Variants in KCTD8 observed in about 807,000 individuals in gnomAD.
KCTD8 encodes potassium channel tetramerization domain containing 8, also known as BTB/POZ domain-containing protein KCTD8.
In KCTD8, 27 loss-of-function variants were observed where a neutral mutation model predicts 31.5. The observed-to-expected ratio is 0.86, with a 90% CI of 0.63 to 1.18. The LOEUF is 1.18. Among genes scored for constraint, KCTD8 ranks in the 50% most tolerant of loss-of-function variants. The pLI is 0.00. For synonymous variants in KCTD8, 290 were observed against 280.0 expected (o/e 1.04, Z -0.36); for missense variants, 658 against 647.7 (o/e 1.02, Z -0.17).
At chr4:44,203,099 T>C (rs962484958) in intron 1 of KCTD8, among the ~76,000 whole-genome samples, 4 of 152,160 alleles carry the variant, frequency 2.6e-5, no homozygotes, top group Non-Finnish European at 4.4e-5. Flanking sequence ...TATTTACAAA[T>C]GGAGACTAAT....
At chr4:44,226,985 A>G (rs1714982013) in intron 1 of KCTD8, among the ~76,000 whole-genome samples, 1 of 151,524 alleles carries the variant, frequency 6.6e-6, no homozygotes. Flanking sequence ...TCCATTCTTT[A>G]GGTTGCCTGT....
At position 44,396,014 on chromosome 4, in the gene KCTD8, A is replaced by G. The variant is rs114034979; in HGVS notation, c.961+51549T>C. ...TTCTATTATTATTACACTGCGGTAT[A>G]TAATGAAATAATTATACAAGTCACC... On this transcript the variant is annotated intron_variant, in intron 1 of 1. Transcript: ENST00000360029. Among the ~76,000 whole-genome samples the G allele has an allele frequency of 9.3e-3, 1,411 of 152,236 alleles. 30 individuals are homozygous for G. Among genetic ancestry groups the G allele is most frequent in the African/African-American group, 0.032 (1,328 of 41,536 alleles).
intron 1 of KCTD8, among the ~76,000 whole-genome samples, chr4:44,339,341 G>A (rs1718835331): frequency 6.6e-6 from 1 of 152,072 alleles, no homozygotes; most frequent in African/African-American, 2.4e-5. Flanking sequence ...CATACTGAGA[G>A]CAGGATTTAA....
intron 1 of KCTD8, among the ~76,000 whole-genome samples, chr4:44,222,024 G>GA (rs1714823044): frequency 6.6e-6 from 1 of 152,160 alleles, no homozygotes; most frequent in African/African-American, 2.4e-5. Flanking sequence ...CCATGTCTGT[G>GA]ATAGGCACAC....
intron 1 of KCTD8, among the ~76,000 whole-genome samples, chr4:44,402,425 A>G (rs977025047): frequency 1.3e-5 from 2 of 152,154 alleles, no homozygotes; most frequent in African/African-American, 2.4e-5. Context: ...GTCATTAGGC[A>G]TTTAAATATA....
intron 1 of KCTD8, among the ~76,000 whole-genome samples, chr4:44,180,608 CA>C (rs1426411264): frequency 6.6e-6 from 1 of 151,998 alleles, no homozygotes; most frequent in East Asian, 1.9e-4. Context: ...CACACACACA[CA>C]CACACACACA....
Position 44,174,671 on chromosome 4 carries a change from C to T in KCTD8, c.*119G>A, listed in dbSNP as rs1223017623. On this transcript the variant is annotated 3_prime_UTR_variant, in exon 2 of 2. Coordinates refer to ENST00000360029, the MANE Select transcript of KCTD8 (RefSeq NM_198353.3). ...AAAAGAAAATACTGTCCCACATCCA[C>T]TGTTCACAACAAGGAAGAGCAGCAA... 1.4e-6 allele frequency: 1 copy of T among 727,124 alleles called. No individual in the cohort carries two copies. The highest frequency in any genetic ancestry group is 2.2e-6 in the Non-Finnish European group (1 of 447,500). 45.0% of individuals were successfully genotyped at this position (727,124 alleles called of 1,614,324 possible). A position where few individuals can be genotyped will look rare whatever the true frequency, so the allele number is the denominator to read the frequency against.
chr4:44,236,083 C>G (rs1343350526), intron 1 of KCTD8, among the ~76,000 whole-genome samples: 2 of 152,120 alleles, frequency 1.3e-5, no homozygotes, highest in East Asian at 3.9e-4. Context: ...GAGAGAGTGC[C>G]TGCAACTGAG....
At chr4:44,240,575 C>T (rs911075480) in intron 1 of KCTD8, among the ~76,000 whole-genome samples, 2 of 152,130 alleles carry the variant, frequency 1.3e-5, no homozygotes, top group African/African-American at 2.4e-5. Context: ...CTGGGCTCAA[C>T]GAATTCTCCC....
rs1560385987 is a variant in KCTD8 at position 44,175,218 on chromosome 4, C to T, written c.994G>A (p.Glu332Lys). The T allele has an allele frequency of 6.3e-7, 1 of 1,592,540 alleles. No homozygotes were observed. Among genetic ancestry groups the T allele is most frequent in the South Asian group, 1.1e-5 (1 of 87,154 alleles). Residue 332 changes from glutamate (E) to lysine (K), a missense_variant, in exon 2 of 2, where the codon GAA becomes AAA. Transcript: ENST00000360029. ...TTGTCATGTTTCCTATCTTCATGTTCTTGTTTAGGTGATACTATTTTCTGA... is the reference window on the plus strand; with the variant it reads ...TTGTCATGTTTCCTATCTTCATGTTTTTGTTTAGGTGATACTATTTTCTGA... ...PPQKIVSPKQ[E>K]HEDRKHDKVT...
Position 44,283,041 on chromosome 4 carries a change from T to C in KCTD8, c.962-107791A>G, listed in dbSNP as rs1255123905. On this transcript the variant is annotated intron_variant, in intron 1 of 1. Transcript: ENST00000360029. ...ACAACACATTTTATTATTATTATTATTATTATTATTATTATTATTATTATT... is the reference window on the plus strand; with the variant it reads ...ACAACACATTTTATTATTATTATTACTATTATTATTATTATTATTATTATT... Among the ~76,000 whole-genome samples, 781 of 86,312 alleles carry C rather than the reference T, an allele frequency of 9.0e-3. 5 individuals carry two copies. The highest frequency in any genetic ancestry group is 0.02 in the Admixed American group (137 of 6,906). The allele number at this position is 86,312 out of a possible 152,430, so 56.6% of individuals were successfully genotyped here.
chr4:44,335,752 G>A (rs527249295), intron 1 of KCTD8, among the ~76,000 whole-genome samples: 82 of 152,160 alleles, frequency 5.4e-4, no homozygotes, highest in African/African-American at 1.9e-3. Context: ...TTACAATATA[G>A]ATACAGATAC....
At chr4:44,423,024 T>C (rs562270981) in intron 1 of KCTD8, among the ~76,000 whole-genome samples, 26 of 152,102 alleles carry the variant, frequency 1.7e-4, no homozygotes, top group Admixed American at 1.1e-3. Flanking sequence ...CAACATTTAT[T>C]TAGGTCAGCA....
intron 1 of KCTD8, among the ~76,000 whole-genome samples, chr4:44,354,879 G>C (rs1055489020): frequency 6.6e-6 from 1 of 152,066 alleles, no homozygotes; most frequent in Admixed American, 6.6e-5. Context: ...CAGTTAGTAT[G>C]TATTCCCAAT....
At chr4:44,350,786 T>C (rs1003198417) in intron 1 of KCTD8, among the ~76,000 whole-genome samples, 5 of 152,204 alleles carry the variant, frequency 3.3e-5, no homozygotes, top group African/African-American at 7.2e-5. Flanking sequence ...ATTTCCATTA[T>C]TTATTTAACA....
chr4:44,428,584 C>T (rs961687766), intron 1 of KCTD8, among the ~76,000 whole-genome samples: 6 of 151,768 alleles, frequency 4.0e-5, no homozygotes, highest in African/African-American at 1.5e-4. Context: ...AAAGTGTGCA[C>T]AAGATTATAC....
chr4:44,275,117 A>G (rs1034697889), intron 1 of KCTD8, among the ~76,000 whole-genome samples: 1 of 151,970 alleles, frequency 6.6e-6, no homozygotes, highest in Admixed American at 6.6e-5. Context: ...AAGTGTATGG[A>G]AAGTTGGAGA....
intron 1 of KCTD8, among the ~76,000 whole-genome samples, chr4:44,345,835 G>A (rs905398916): frequency 1.3e-5 from 2 of 151,674 alleles, no homozygotes; most frequent in African/African-American, 4.8e-5. Flanking sequence ...GAGAATACAG[G>A]TATGTGTTAT....
At chr4:44,283,452 G>T (rs766375816) in intron 1 of KCTD8, among the ~76,000 whole-genome samples, 3 of 152,042 alleles carry the variant, frequency 2.0e-5, no homozygotes, top group Non-Finnish European at 2.9e-5. Context: ...TAAAGGACAG[G>T]TTGACTCTCT....
Sources: gnomAD v4.1 joint callset for allele counts (sites outside exome capture counted in the v4.1 genomes callset) on GRCh38, gnomAD v4.1.1 for gene constraint, MANE v1.5 for transcripts, NCBI Gene and HGNC (gene_info 2026-07-23, HGNC 2026-07-21) for gene names.